The following SLC25A21 variants were observed in gnomAD, a reference collection of about 807,000 sequenced individuals.
The protein encoded by SLC25A21 is solute carrier family 25 member 21.
SLC25A21 carries 47 observed loss-of-function variants against 43.8 expected under a neutral mutation model. That is an observed-to-expected ratio of 1.07 (90% CI 0.85 to 1.37). SLC25A21 has a LOEUF of 1.37. Ranked by LOEUF, SLC25A21 falls within the 40% of genes most tolerant of loss-of-function variation. The pLI, the probability that SLC25A21 is intolerant of heterozygous loss-of-function variation, is 0.00. For synonymous variants in SLC25A21, 131 were observed against 121.3 expected, an observed-to-expected ratio of 1.08 and a Z score of -0.52; for missense variants, 352 against 350.2, an observed-to-expected ratio of 1.00 and a Z score of -0.04.
At chr14:36,924,129 G>A (rs531350584) in intron 1 of SLC25A21, among the ~76,000 whole-genome samples, 3 of 152,066 alleles carry the variant, frequency 2.0e-5, no homozygotes, top group East Asian at 3.9e-4. Context: ...GATTCCTCAG[G>A]GATCTAGAAC....
chr14:37,132,485 G>A (rs1290217218), intron 1 of SLC25A21, among the ~76,000 whole-genome samples: 1 of 152,150 alleles, frequency 6.6e-6, no homozygotes, highest in Non-Finnish European at 1.5e-5. Flanking sequence ...AGACACAGAT[G>A]AGGTAAAATA....
At chr14:37,131,230 A>C (rs1434743907) in intron 1 of SLC25A21, among the ~76,000 whole-genome samples, 7 of 152,218 alleles carry the variant, frequency 4.6e-5, no homozygotes, top group Non-Finnish European at 8.8e-5. Context: ...CTAACCTCAG[A>C]ATCTGTGGGT....
intron 1 of SLC25A21, among the ~76,000 whole-genome samples, chr14:37,083,507 G>A (rs1357692607): frequency 1.3e-5 from 2 of 152,116 alleles, no homozygotes; most frequent in African/African-American, 4.8e-5. Flanking sequence ...TTTATATACG[G>A]CAAGGATTAT....
At chr14:36,781,038 A>G (rs56294632) in intron 3 of SLC25A21, among the ~76,000 whole-genome samples, 27,105 of 152,080 alleles carry the variant, frequency 0.18, 2,803 homozygotes, top group East Asian at 0.3. Flanking sequence ...CAAGTGTTAT[A>G]TTCTTTTGAG....
At chr14:36,780,125 T>C (rs1198862984) in intron 3 of SLC25A21, among the ~76,000 whole-genome samples, 1 of 151,986 alleles carries the variant, frequency 6.6e-6, no homozygotes, top group African/African-American at 2.4e-5. Flanking sequence ...ATCAATTTGT[T>C]GGCATATAAT....
At chr14:36,919,622 C>CCTGTCTAT (rs766908771) in intron 1 of SLC25A21, among the ~76,000 whole-genome samples, 3 of 61,452 alleles carry the variant, frequency 4.9e-5, no homozygotes, top group African/African-American at 1.8e-4. Flanking sequence ...TATCTATCTA[C>CCTGTCTAT]CTATCTATCT....
intron 6 of SLC25A21, among the ~76,000 whole-genome samples, chr14:36,720,051 C>G (rs941820137): frequency 5.3e-5 from 8 of 152,164 alleles, no homozygotes; most frequent in African/African-American, 1.9e-4. Flanking sequence ...TCAGAGGGCA[C>G]CATTCTGGCC....
intron 3 of SLC25A21, among the ~76,000 whole-genome samples, chr14:36,743,207 G>GAGGC (rs1169413140): frequency 6.6e-6 from 1 of 152,120 alleles, no homozygotes; most frequent in African/African-American, 2.4e-5. Context: ...AGATACTTGA[G>GAGGC]AAGCAACCAA....
chr14:37,076,199 T>C (rs1468459643), intron 1 of SLC25A21, among the ~76,000 whole-genome samples: 1 of 152,200 alleles, frequency 6.6e-6, no homozygotes, highest in Non-Finnish European at 1.5e-5. Context: ...CCAGCTCTGT[T>C]ACCCAGGCTG....
intron 4 of SLC25A21, among the ~76,000 whole-genome samples, chr14:36,734,114 T>C (rs758977414): frequency 1.3e-5 from 2 of 152,196 alleles, no homozygotes; most frequent in Non-Finnish European, 2.9e-5. Flanking sequence ...GGGAATGATT[T>C]AGGGAGAAAA....
intron 1 of SLC25A21, among the ~76,000 whole-genome samples, chr14:37,035,638 C>A (rs1487939714): frequency 6.6e-6 from 1 of 152,120 alleles, no homozygotes; most frequent in Non-Finnish European, 1.5e-5. Flanking sequence ...TAGCCCAGAG[C>A]CCGATCACTG....
At chr14:36,779,631 T>C (rs1594581133) in intron 3 of SLC25A21, among the ~76,000 whole-genome samples, 1 of 143,076 alleles carries the variant, frequency 7.0e-6, no homozygotes, top group African/African-American at 2.6e-5. Flanking sequence ...TATATATATA[T>C]ATATATATAT....
intron 1 of SLC25A21, among the ~76,000 whole-genome samples, chr14:37,171,140 GGT>G: frequency 7.4e-6 from 1 of 135,380 alleles, no homozygotes; most frequent in South Asian, 2.6e-4. Flanking sequence ...GGAGGGGAGG[GGT>G]GGGGAGGGGA....
At chr14:36,823,060 T>C (rs1320615165) in intron 2 of SLC25A21, among the ~76,000 whole-genome samples, 1 of 152,214 alleles carries the variant, frequency 6.6e-6, no homozygotes. Flanking sequence ...AAATGAATTG[T>C]GATAAGAGAG....
At chr14:36,761,081 C>T (rs1014933576) in intron 3 of SLC25A21, among the ~76,000 whole-genome samples, 2 of 152,184 alleles carry the variant, frequency 1.3e-5, no homozygotes, top group Non-Finnish European at 2.9e-5. Context: ...CAGAGATATT[C>T]CTCTTCCCTT....
At chr14:36,946,020 C>A (rs551262817) in intron 1 of SLC25A21, among the ~76,000 whole-genome samples, 1 of 152,190 alleles carries the variant, frequency 6.6e-6, no homozygotes, top group African/African-American at 2.4e-5. Flanking sequence ...CTATGATGTA[C>A]CTATTATGTG....
chr14:36,918,142 C>T (rs1891881673), intron 1 of SLC25A21, among the ~76,000 whole-genome samples: 1 of 152,140 alleles, frequency 6.6e-6, no homozygotes, highest in Non-Finnish European at 1.5e-5. Flanking sequence ...TCCTTAAGTT[C>T]CTACCCTCAG....
chr14:37,154,130 T>C (rs1049475726), intron 1 of SLC25A21, among the ~76,000 whole-genome samples: 5 of 151,986 alleles, frequency 3.3e-5, no homozygotes, highest in Admixed American at 2.0e-4. Flanking sequence ...GGCACAAAGA[T>C]AGGGATACTC....
intron 1 of SLC25A21, among the ~76,000 whole-genome samples, chr14:37,128,827 G>A (rs768241158): frequency 1.3e-5 from 2 of 152,028 alleles, no homozygotes; most frequent in East Asian, 1.9e-4. Context: ...GAGCTCAAGC[G>A]ATCTGCTACC....
Sources: gnomAD v4.1 joint callset for allele counts (sites outside exome capture counted in the v4.1 genomes callset) on GRCh38, gnomAD v4.1.1 for gene constraint, MANE v1.5 for transcripts, NCBI Gene and HGNC (gene_info 2026-07-23, HGNC 2026-07-21) for gene names.